FAM13A: variants seen among roughly 807,000 people sequenced by gnomAD.
The protein encoded by FAM13A is protein FAM13A.
In FAM13A, 76 loss-of-function variants were observed where a neutral mutation model predicts 129.6. The ratio of observed to expected loss-of-function variants is 0.59; its 90% CI spans 0.49 to 0.71. FAM13A has a LOEUF of 0.71. FAM13A is among the 30% of genes least tolerant of loss of function. The pLI, the probability that FAM13A is intolerant of heterozygous loss-of-function variation, is 0.00. For missense variants in FAM13A, 1,108 were observed against 1,249.3 expected, an observed-to-expected ratio of 0.89 and a Z score of 1.70; for synonymous variants, 443 against 449.9, an observed-to-expected ratio of 0.98 and a Z score of 0.20.
At chr4:88,840,103 A>C (rs1358477635) in intron 7 of FAM13A, among the ~76,000 whole-genome samples, 1 of 152,234 alleles carries the variant, frequency 6.6e-6, no homozygotes, top group Non-Finnish European at 1.5e-5. Context: ...GATATCCAGG[A>C]AGGCCAGAGG....
intron 4 of FAM13A, among the ~76,000 whole-genome samples, chr4:88,965,866 G>A (rs967771065): frequency 2.6e-5 from 4 of 152,092 alleles, no homozygotes; most frequent in African/African-American, 9.7e-5. Context: ...GGCAAGGTTC[G>A]TCCATGTTGT....
Position 88,762,751 on chromosome 4 carries a change from A to G in FAM13A, c.1579-3850T>C, listed in dbSNP as rs75409260. 3.9e-3 allele frequency among the ~76,000 whole-genome samples: 590 copies of G among 152,168 alleles called. 4 individuals carry two copies. The highest frequency in any genetic ancestry group is 0.014 in the African/African-American group (572 of 41,510). On this transcript the variant is annotated intron_variant, in intron 13 of 23. Transcript: ENST00000264344. ...CATCCTCTCTAACAGGGCTCTTCAT[A>G]TAGTAGTGCAAATATTATCTGTTTC...
chr4:88,769,999 A>G (rs1048305650), intron 11 of FAM13A, among the ~76,000 whole-genome samples: 3 of 152,164 alleles, frequency 2.0e-5, no homozygotes, highest in African/African-American at 7.2e-5. Flanking sequence ...ATTTGTTATA[A>G]TATCTCCAAG....
At chr4:88,831,958 A>G (rs952708489) in intron 7 of FAM13A, among the ~76,000 whole-genome samples, 2 of 152,236 alleles carry the variant, frequency 1.3e-5, no homozygotes, top group African/African-American at 4.8e-5. Flanking sequence ...AAAAGAACAA[A>G]GCTGGAAGTA....
intron 19 of FAM13A, among the ~76,000 whole-genome samples, chr4:88,746,713 T>A (rs575688533): frequency 6.6e-6 from 1 of 152,196 alleles, no homozygotes; most frequent in Non-Finnish European, 1.5e-5. Context: ...CAATTTTTCA[T>A]TGGAACCCAA....
At chr4:88,772,658 C>A (rs1720905031) in intron 11 of FAM13A, among the ~76,000 whole-genome samples, 1 of 152,182 alleles carries the variant, frequency 6.6e-6, no homozygotes, top group South Asian at 2.1e-4. Context: ...ATTTAGTACA[C>A]TTAACCTACT....
chr4:88,769,473 A>G lies in FAM13A; in HGVS notation c.1459-1414T>C, dbSNP rs539962399. Among the ~76,000 whole-genome samples, 11 of 152,346 alleles carry G rather than the reference A, an allele frequency of 7.2e-5. No homozygotes were observed. In the South Asian group the frequency reaches 2.3e-3, roughly 32 times the overall value. On this transcript the variant is annotated intron_variant, in intron 11 of 23. Coordinates refer to ENST00000264344, the MANE Select transcript of FAM13A (RefSeq NM_014883.4). ...TGAGCCTTAATTTCCTCATCTGGAA[A>G]ATGAAGATGGCAACAATATGGTCTA...
At chr4:89,017,073 G>A (rs1310678518) in intron 3 of FAM13A, among the ~76,000 whole-genome samples, 3 of 152,208 alleles carry the variant, frequency 2.0e-5, no homozygotes, top group Admixed American at 6.5e-5. Context: ...TATAGCCTAC[G>A]TGTGTAGTAG....
At position 88,741,721 on chromosome 4, in the gene FAM13A, T is replaced by C. The variant is rs568570154; in HGVS notation, c.2467-2596A>G. 2.6e-4 allele frequency among the ~76,000 whole-genome samples: 40 copies of C among 152,312 alleles called. 1 individual carries two copies. Among genetic ancestry groups the C allele is most frequent in the African/African-American group, 9.1e-4 (38 of 41,574 alleles). The stretch of plus-strand genomic sequence containing the variant: ...ACGTGATGCCAAAAGGAAACGTTCA[T>C]TGGAACATTTTGAATTTCAGATTTT... On this transcript the variant is annotated intron_variant, in intron 19 of 23. Coordinates refer to ENST00000264344, the MANE Select transcript of FAM13A (RefSeq NM_014883.4).
intron 7 of FAM13A, among the ~76,000 whole-genome samples, chr4:88,844,060 C>G (rs1000342867): frequency 1.3e-5 from 2 of 152,184 alleles, no homozygotes; most frequent in Non-Finnish European, 2.9e-5. Context: ...GGTCAGTGTT[C>G]TCATCTGACG....
At chr4:88,889,179 C>T (rs1205065910) in intron 6 of FAM13A, among the ~76,000 whole-genome samples, 1 of 152,164 alleles carries the variant, frequency 6.6e-6, no homozygotes, top group Non-Finnish European at 1.5e-5. Flanking sequence ...TGTTTGTGTA[C>T]TGAAGTGTGA....
chr4:89,015,196 C>G (rs182989769), intron 3 of FAM13A, among the ~76,000 whole-genome samples: 2 of 152,118 alleles, frequency 1.3e-5, no homozygotes, highest in East Asian at 3.8e-4. Context: ...ATGTTACCAA[C>G]GACAATGTGT....
intron 5 of FAM13A, among the ~76,000 whole-genome samples, chr4:88,911,650 C>G (rs950654563): frequency 3.9e-5 from 6 of 152,178 alleles, no homozygotes; most frequent in Non-Finnish European, 7.3e-5. Flanking sequence ...GAGCAATTCC[C>G]TCCATATGCA....
At chr4:88,839,750 T>A (rs1735486015) in intron 7 of FAM13A, among the ~76,000 whole-genome samples, 1 of 152,200 alleles carries the variant, frequency 6.6e-6, no homozygotes, top group African/African-American at 2.4e-5. Context: ...ACAGAGCCCA[T>A]ACTCAGAAGG....
chr4:88,963,136 T>A (rs895467845), intron 4 of FAM13A, among the ~76,000 whole-genome samples: 2 of 152,066 alleles, frequency 1.3e-5, no homozygotes, highest in Non-Finnish European at 2.9e-5. Context: ...TTAAAAAAAA[T>A]TTAAAATTGA....
chr4:88,737,547 G>C lies in FAM13A; in HGVS notation c.2571C>G (p.Pro857=), dbSNP rs765225837. ...GCAAAGGGCTTCTCCGCTTGCTGGAGGGGGAACCCTGTGACAGGTGTTAAC... is the reference window on the plus strand; with the variant it reads ...GCAAAGGGCTTCTCCGCTTGCTGGACGGGGAACCCTGTGACAGGTGTTAAC... ...RANTIPIIGS[P]SSKRRSPLLQ... The change falls in exon 21 of 24, where the codon CCC becomes CCG. Residue 857 remains proline (P), a synonymous_variant. Coordinates refer to ENST00000264344, the MANE Select transcript of FAM13A (RefSeq NM_014883.4). 2 of 1,613,834 alleles carry C rather than the reference G, an allele frequency of 1.2e-6. No homozygotes were observed. Among genetic ancestry groups the C allele is most frequent in the Non-Finnish European group, 1.7e-6 (2 of 1,179,784 alleles).
chr4:88,981,140 T>C (rs1390890313), intron 4 of FAM13A, among the ~76,000 whole-genome samples: 1 of 110,880 alleles, frequency 9.0e-6, no homozygotes, highest in Admixed American at 9.4e-5. Flanking sequence ...TTAATTTACC[T>C]ATCTATAGAC....
At chr4:88,966,833 A>T (rs1759417076) in intron 4 of FAM13A, among the ~76,000 whole-genome samples, 1 of 152,210 alleles carries the variant, frequency 6.6e-6, no homozygotes, top group Admixed American at 6.5e-5. Flanking sequence ...TCCACTCACT[A>T]AACTAGGATG....
chr4:88,804,347 A>G (rs1321443667), intron 8 of FAM13A, among the ~76,000 whole-genome samples: 1 of 152,208 alleles, frequency 6.6e-6, no homozygotes, highest in Non-Finnish European at 1.5e-5. Flanking sequence ...ACATGTGTAT[A>G]TACTTTTCAA....
Sources: gnomAD v4.1 joint callset for allele counts (sites outside exome capture counted in the v4.1 genomes callset) on GRCh38, gnomAD v4.1.1 for gene constraint, MANE v1.5 for transcripts, NCBI Gene and HGNC (gene_info 2026-07-23, HGNC 2026-07-21) for gene names.